The following COL23A1 variants were observed in gnomAD, a reference collection of about 807,000 sequenced individuals.
COL23A1 encodes collagen type XXIII alpha 1 chain, also known as collagen alpha-1(XXIII) chain.
A neutral mutation model predicts 99.3 loss-of-function variants in COL23A1; 97 were observed. The observed-to-expected ratio is 0.98, with a 90% confidence interval of 0.83 to 1.16. The LOEUF (loss-of-function observed/expected upper bound fraction) is 1.16, where lower values mean the gene tolerates loss of function less well. Among genes scored for constraint, COL23A1 ranks in the 50% most tolerant of loss-of-function variants. The pLI is 0.00. For synonymous variants in COL23A1, 320 were observed against 308.2 expected (o/e 1.04, Z -0.40); for missense variants, 762 against 757.4 (o/e 1.01, Z -0.07).
At chr5:178,385,152 C>G (rs1763603419) in intron 2 of COL23A1, among the ~76,000 whole-genome samples, 1 of 152,170 alleles carries the variant, frequency 6.6e-6, no homozygotes, top group Admixed American at 6.5e-5. Context: ...TTGCTGTCTC[C>G]TGGGCTCTCA....
intron 2 of COL23A1, among the ~76,000 whole-genome samples, chr5:178,357,899 GTGTCTAATGTGTGTGTA>G (rs1284995207): frequency 6.9e-6 from 1 of 144,436 alleles, no homozygotes; most frequent in East Asian, 2.2e-4. Flanking sequence ...GTGTGTATGT[GTGTCTAATGTGTGTGTA>G]TGTGTATGTG....
intron 2 of COL23A1, among the ~76,000 whole-genome samples, chr5:178,413,035 T>C (rs369945700): frequency 1.6e-5 from 2 of 127,966 alleles, no homozygotes; most frequent in Non-Finnish European, 1.7e-5. Context: ...AAAAAAAAAA[T>C]AGCTGGGCAT....
At chr5:178,477,993 C>A (rs549196966) in intron 2 of COL23A1, among the ~76,000 whole-genome samples, 7 of 152,198 alleles carry the variant, frequency 4.6e-5, no homozygotes, top group African/African-American at 1.7e-4. Flanking sequence ...GCCCTTCATG[C>A]CACCTGAGGG....
rs13356186 is a variant in COL23A1 at position 178,484,462 on chromosome 5, C to T, written c.361+76220G>A. Among the ~76,000 whole-genome samples the T allele has an allele frequency of 9.9e-3, 1,511 of 152,266 alleles. 28 individuals are homozygous for T. Among genetic ancestry groups the T allele is most frequent in the African/African-American group, 0.034 (1,420 of 41,552 alleles). The stretch of plus-strand genomic sequence containing the variant: ...CCTAGGATCCTCATGCAAGAGACCA[C>T]TAGCAGTGACCATGGGACATTATGA... On this transcript the variant is annotated intron_variant, in intron 2 of 28. Transcript: ENST00000390654.
At position 178,428,394 on chromosome 5, in the gene COL23A1, C is replaced by A. The variant is rs1766067737; in HGVS notation, c.362-121475G>T. 6.6e-6 allele frequency among the ~76,000 whole-genome samples: 1 copy of A among 152,238 alleles called. No individual in the cohort carries two copies. Among genetic ancestry groups the A allele is most frequent in the African/African-American group, 2.4e-5 (1 of 41,462 alleles). ...GAGGAGGAGCCTTCCTGGATCAAAA[C>A]CTACCAAGATAACAGGGAACCAGGG... On this transcript the variant is annotated intron_variant, in intron 2 of 28. Transcript: ENST00000390654. This position sits in a 1 kb window ranked among gnomAD's most constrained non-coding sequence, Gnocchi z 5.0.
intron 2 of COL23A1, among the ~76,000 whole-genome samples, chr5:178,330,024 C>A (rs1481129399): frequency 1.3e-5 from 2 of 152,092 alleles, no homozygotes; most frequent in Non-Finnish European, 2.9e-5. Flanking sequence ...GTGACTATGG[C>A]GCCATCAGTT....
At chr5:178,491,701 AT>A (rs916260882) in intron 2 of COL23A1, among the ~76,000 whole-genome samples, 7 of 150,998 alleles carry the variant, frequency 4.6e-5, no homozygotes, top group East Asian at 3.9e-4. Flanking sequence ...AAACATCTTG[AT>A]TTTTTTTTCA....
intron 2 of COL23A1, among the ~76,000 whole-genome samples, chr5:178,512,886 C>A (rs1054012164): frequency 3.3e-5 from 5 of 152,214 alleles, no homozygotes; most frequent in African/African-American, 1.2e-4. Context: ...TTCATCCACA[C>A]CTCCCATTTT....
chr5:178,287,484 A>G (rs1203569181), intron 5 of COL23A1, among the ~76,000 whole-genome samples: 2 of 152,232 alleles, frequency 1.3e-5, no homozygotes, highest in African/African-American at 2.4e-5. Context: ...CACTCAGCCG[A>G]GAGGAAGCAG....
chr5:178,257,624 C>A, intron 12 of COL23A1, 57 bp from the exon 13 acceptor site: 1 of 1,521,118 alleles, frequency 6.6e-7, no homozygotes, highest in South Asian at 1.2e-5. Context: ...CAGTGGGCCC[C>A]TCCCTCCTCT....
At chr5:178,515,008 G>C (rs771682767) in intron 2 of COL23A1, among the ~76,000 whole-genome samples, 6 of 152,226 alleles carry the variant, frequency 3.9e-5, no homozygotes, top group Admixed American at 1.3e-4. Flanking sequence ...TGAAAGACAA[G>C]TCACTCTCTT....
At chr5:178,577,022 C>CT (rs1445853097) in intron 1 of COL23A1, among the ~76,000 whole-genome samples, 3 of 152,058 alleles carry the variant, frequency 2.0e-5, no homozygotes, top group African/African-American at 7.2e-5. Flanking sequence ...GCCTGTGTCC[C>CT]TAGCGCGGTA....
chr5:178,504,481 C>G (rs767512570), intron 2 of COL23A1, among the ~76,000 whole-genome samples: 7 of 152,106 alleles, frequency 4.6e-5, no homozygotes, highest in Non-Finnish European at 7.4e-5. Context: ...CTCGAGGTCC[C>G]TGCACAGGAA....
chr5:178,322,176 C>T (rs1327060680), intron 2 of COL23A1, among the ~76,000 whole-genome samples: 2 of 151,710 alleles, frequency 1.3e-5, no homozygotes, highest in African/African-American at 4.8e-5. Flanking sequence ...CTATTTTTAG[C>T]AGAGACGGGA....
intron 2 of COL23A1, among the ~76,000 whole-genome samples, chr5:178,324,002 G>C (rs1289157192): frequency 6.6e-6 from 1 of 152,150 alleles, no homozygotes; most frequent in African/African-American, 2.4e-5. Context: ...TAAAGAAAAA[G>C]AAATGTGACG....
chr5:178,562,132 C>T, intron 1 of COL23A1: 1 of 512,276 alleles, frequency 2.0e-6, no homozygotes, highest in South Asian at 1.6e-5. Context: ...ATCCCAGCTG[C>T]TTGGGAGACT....
chr5:178,273,617 T>C (rs1756418441), intron 5 of COL23A1, among the ~76,000 whole-genome samples: 6 of 152,214 alleles, frequency 3.9e-5, no homozygotes, highest in Admixed American at 3.3e-4. Flanking sequence ...AGCCTGTGCC[T>C]GCACCGGCAC....
At chr5:178,472,014 G>A (rs1323500974) in intron 2 of COL23A1, among the ~76,000 whole-genome samples, 2 of 152,110 alleles carry the variant, frequency 1.3e-5, no homozygotes, top group South Asian at 2.1e-4. Context: ...GGTGCAGGCC[G>A]GGCCTGGTGG....
At chr5:178,294,996 A>C (rs1345002436) in intron 3 of COL23A1, among the ~76,000 whole-genome samples, 2 of 149,702 alleles carry the variant, frequency 1.3e-5, no homozygotes, top group African/African-American at 5.1e-5. Context: ...ACAACAAAAC[A>C]AAACAAAACA....
Sources: allele counts gnomAD v4.1 joint callset (sites outside exome capture counted in the v4.1 genomes callset), GRCh38; gene constraint gnomAD v4.1.1; non-coding constraint Gnocchi (gnomAD v3.1); transcripts MANE v1.5; gene names NCBI Gene and HGNC (gene_info 2026-07-23, HGNC 2026-07-21).